DOK5: variants seen among roughly 807,000 people sequenced by gnomAD.
DOK5 encodes the protein downstream of tyrosine kinase 5.
DOK5 carries 27 observed loss-of-function variants against 43.3 expected under a neutral mutation model. The observed-to-expected ratio is 0.62, with a 90% CI of 0.46 to 0.86. The LOEUF is 0.86. DOK5 is among the 40% of genes least tolerant of loss of function. The pLI is 0.00. For missense variants in DOK5, 373 were observed against 392.9 expected, an observed-to-expected ratio of 0.95 and a Z score of 0.43; for synonymous variants, 146 against 140.1, an observed-to-expected ratio of 1.04 and a Z score of -0.30.
chr20:54,546,465 T>C (rs1296889292), intron 1 of DOK5, among the ~76,000 whole-genome samples: 3 of 151,722 alleles, frequency 2.0e-5, no homozygotes, highest in South Asian at 2.1e-4. Flanking sequence ...TTGTTACATA[T>C]GTATACATGT....
At chr20:54,490,516 A>T (rs1046687395) in intron 1 of DOK5, among the ~76,000 whole-genome samples, 1 of 152,114 alleles carries the variant, frequency 6.6e-6, no homozygotes, top group Non-Finnish European at 1.5e-5. Flanking sequence ...TGAGTGCTAG[A>T]TATAATTTCT....
At chr20:54,597,526 A>G (rs376436228) in intron 5 of DOK5, among the ~76,000 whole-genome samples, 1 of 152,134 alleles carries the variant, frequency 6.6e-6, no homozygotes. Context: ...CATTTGAGCT[A>G]CTCATTATCA....
chr20:54,600,725 C>T (rs1248682948), intron 5 of DOK5, among the ~76,000 whole-genome samples: 7 of 152,144 alleles, frequency 4.6e-5, no homozygotes, highest in African/African-American at 1.7e-4. Flanking sequence ...ATTGGTGGAT[C>T]TCAGTCTCCA....
intron 6 of DOK5, among the ~76,000 whole-genome samples, chr20:54,633,132 A>G (rs1978649448): frequency 6.6e-6 from 1 of 152,220 alleles, no homozygotes; most frequent in East Asian, 1.9e-4. Context: ...CCACCCTTGG[A>G]AATTCTAGGA....
rs189126159 is a variant in DOK5 at position 54,507,699 on chromosome 20, T to A, written c.66+31687T>A. Among the ~76,000 whole-genome samples the A allele has an allele frequency of 7.2e-5, 11 of 152,206 alleles. No individual in the cohort carries two copies. In the East Asian group the frequency reaches 2.1e-3, roughly 29 times the overall value. On this transcript the variant is annotated intron_variant, in intron 1 of 7. Transcript: ENST00000262593. The stretch of plus-strand genomic sequence containing the variant: ...CAGGAAGGACCCAGCCATGAGAAAT[T>A]TGAAGGAAGCCCTCATGGGTACAAG...
At chr20:54,541,479 A>T (rs2426535) in intron 1 of DOK5, among the ~76,000 whole-genome samples, 2 of 152,158 alleles carry the variant, frequency 1.3e-5, no homozygotes, top group African/African-American at 4.8e-5. Flanking sequence ...TCTGTTGCCC[A>T]GGCTGGAGTG....
chr20:54,525,916 G>A (rs1358622592), intron 1 of DOK5, among the ~76,000 whole-genome samples: 1 of 152,174 alleles, frequency 6.6e-6, no homozygotes, highest in East Asian at 1.9e-4. Flanking sequence ...CAGATTCGGG[G>A]CCAAACATTG....
intron 1 of DOK5, among the ~76,000 whole-genome samples, chr20:54,531,360 A>G (rs1367626881): frequency 6.6e-6 from 1 of 152,204 alleles, no homozygotes; most frequent in African/African-American, 2.4e-5. Flanking sequence ...TAGCCAGGGA[A>G]GTCTTTCAAT....
chr20:54,645,948 A>AAAAAAAAAG (rs1296470944), intron 7 of DOK5, among the ~76,000 whole-genome samples: 1 of 97,934 alleles, frequency 1.0e-5, no homozygotes. Context: ...AAAAAAAAAA[A>AAAAAAAAAG]AAAAAAAAGA....
intron 6 of DOK5, among the ~76,000 whole-genome samples, chr20:54,636,175 T>C (rs1490133333): frequency 2.0e-5 from 3 of 152,236 alleles, no homozygotes; most frequent in Non-Finnish European, 4.4e-5. Context: ...GATTCTAGCC[T>C]CACAGGCTGG....
At chr20:54,542,631 A>G (rs907297089) in intron 1 of DOK5, among the ~76,000 whole-genome samples, 7 of 152,232 alleles carry the variant, frequency 4.6e-5, no homozygotes, top group East Asian at 1.9e-4. Flanking sequence ...AATGTTTTCA[A>G]AATAATATAT....
chr20:54,521,476 A>G (rs1344413253), intron 1 of DOK5, among the ~76,000 whole-genome samples: 1 of 152,130 alleles, frequency 6.6e-6, no homozygotes, highest in African/African-American at 2.4e-5. Context: ...TCAAGAAAAC[A>G]CTTTACTTAT....
At chr20:54,532,054 G>A (rs7272987) in intron 1 of DOK5, among the ~76,000 whole-genome samples, 1,714 of 152,260 alleles carry the variant, frequency 0.011, 39 homozygotes, top group African/African-American at 0.039. Flanking sequence ...TAGAGCTGGG[G>A]ATACAGTAAT....
At chr20:54,568,088 G>C (rs1568787698) in intron 2 of DOK5, among the ~76,000 whole-genome samples, 1 of 152,152 alleles carries the variant, frequency 6.6e-6, no homozygotes, top group Non-Finnish European at 1.5e-5. Flanking sequence ...ATTTTGGGAA[G>C]AGCATCAGGT....
intron 5 of DOK5, among the ~76,000 whole-genome samples, chr20:54,595,359 G>T (rs1986110015): frequency 6.6e-6 from 1 of 151,992 alleles, no homozygotes; most frequent in African/African-American, 2.4e-5. Context: ...AGTTTATAAA[G>T]GTCACTTTGA....
intron 2 of DOK5, among the ~76,000 whole-genome samples, chr20:54,561,468 A>C (rs1984903276): frequency 6.6e-6 from 1 of 152,220 alleles, no homozygotes; most frequent in Non-Finnish European, 1.5e-5. Context: ...AATGGGCGTC[A>C]GCCATCTTGG....
At chr20:54,492,788 T>G (rs1982238584) in intron 1 of DOK5, among the ~76,000 whole-genome samples, 1 of 151,800 alleles carries the variant, frequency 6.6e-6, no homozygotes. Context: ...GTGCGGTGGC[T>G]CACGCCTGTA....
chr20:54,619,026 T>TAC (rs1986902092), intron 6 of DOK5, among the ~76,000 whole-genome samples: 1 of 42,782 alleles, frequency 2.3e-5, no homozygotes, highest in Non-Finnish European at 6.3e-5. Flanking sequence ...CAATAAATTA[T>TAC]ATATATATAT....
intron 1 of DOK5, among the ~76,000 whole-genome samples, chr20:54,485,247 G>A (rs571258496): frequency 6.6e-6 from 1 of 151,288 alleles, no homozygotes; most frequent in Admixed American, 6.6e-5. Flanking sequence ...CCCGGATGGC[G>A]GAGGTTGCAG....
Sources: allele counts gnomAD v4.1 joint callset (sites outside exome capture counted in the v4.1 genomes callset), GRCh38; gene constraint gnomAD v4.1.1; transcripts MANE v1.5; gene names NCBI Gene and HGNC (gene_info 2026-07-23, HGNC 2026-07-21).